The following PCDHA13 variants were observed in gnomAD, a reference collection of about 807,000 sequenced individuals.
PCDHA13 encodes the protein protocadherin alpha-13.
A neutral mutation model predicts 64.8 loss-of-function variants in PCDHA13; 54 were observed. The ratio of observed to expected loss-of-function variants is 0.83; its 90% CI spans 0.67 to 1.04. The LOEUF is 1.04. Among genes scored for constraint, PCDHA13 ranks in the 50% least tolerant of loss-of-function variants. The pLI, the probability that PCDHA13 is intolerant of heterozygous loss-of-function variation, is 0.00. For missense variants in PCDHA13, 1,248 were observed against 1,254.3 expected, an observed-to-expected ratio of 0.99 and a Z score of 0.08; for synonymous variants, 587 against 564.4, an observed-to-expected ratio of 1.04 and a Z score of -0.57.
intron 3 of PCDHA13, among the ~76,000 whole-genome samples, chr5:140,993,043 A>G (rs1402138607): frequency 1.3e-5 from 2 of 152,186 alleles, no homozygotes; most frequent in Non-Finnish European, 2.9e-5. Context: ...TGTGTCATCA[A>G]GATGTCAATC....
intron 3 of PCDHA13, among the ~76,000 whole-genome samples, chr5:140,997,754 G>A (rs1450156263): frequency 6.6e-6 from 1 of 151,922 alleles, no homozygotes; most frequent in Non-Finnish European, 1.5e-5. Context: ...ATCTTCTTGA[G>A]TAAGGATATA....
At chr5:141,000,857 A>G (rs1002294819) in intron 3 of PCDHA13, among the ~76,000 whole-genome samples, 7 of 152,132 alleles carry the variant, frequency 4.6e-5, no homozygotes, top group African/African-American at 1.7e-4. Context: ...GCAGTCAGCC[A>G]TGACCTCACC....
chr5:140,928,461 C>T, intron 1 of PCDHA13: 2 of 1,614,108 alleles, frequency 1.2e-6, no homozygotes, highest in Non-Finnish European at 1.7e-6. Context: ...GGTTTCATTT[C>T]CAAGTAGAAG....
At chr5:140,917,906 G>C (rs1334892378) in intron 1 of PCDHA13, among the ~76,000 whole-genome samples, 1 of 151,938 alleles carries the variant, frequency 6.6e-6, no homozygotes, top group East Asian at 1.9e-4. Flanking sequence ...TGTTAGGATA[G>C]TTTGTTTTTC....
intron 1 of PCDHA13, among the ~76,000 whole-genome samples, chr5:140,978,010 T>G (rs2096785841): frequency 6.6e-6 from 1 of 152,156 alleles, no homozygotes; most frequent in African/African-American, 2.4e-5. Flanking sequence ...TTTTTCACAG[T>G]GACATTTTTG....
chr5:140,929,722 T>G (rs558208996), intron 1 of PCDHA13: 1 of 221,696 alleles, frequency 4.5e-6, no homozygotes, highest in Non-Finnish European at 9.4e-6. Flanking sequence ...AGGTGAAACA[T>G]TTACTTAAAC....
chr5:140,933,734 T>C (rs1355766834), intron 1 of PCDHA13, among the ~76,000 whole-genome samples: 2 of 152,062 alleles, frequency 1.3e-5, no homozygotes, highest in Admixed American at 6.5e-5. Flanking sequence ...CTTTCTTAAA[T>C]ATTTGGTAGA....
rs543512832 is a variant in PCDHA13 at position 140,899,964 on chromosome 5, T to C, written c.2394+15302T>C. On this transcript the variant is annotated intron_variant, in intron 1 of 3. Coordinates refer to ENST00000289272, the MANE Select transcript of PCDHA13 (RefSeq NM_018904.3). Reference sequence around the variant, plus strand: ...CTGGGACCACAGGCATGTGCTGCCATGCCCAGCTACTTTTTTGATTTTTTT... The same window carrying C: ...CTGGGACCACAGGCATGTGCTGCCACGCCCAGCTACTTTTTTGATTTTTTT... 3.3e-5 allele frequency among the ~76,000 whole-genome samples: 5 copies of C among 151,940 alleles called. No individual in the cohort carries two copies. In the South Asian group the frequency reaches 6.2e-4, roughly 19 times the overall value.
chr5:140,997,132 C>A (rs1189394609), intron 3 of PCDHA13, among the ~76,000 whole-genome samples: 1 of 152,076 alleles, frequency 6.6e-6, no homozygotes, highest in Non-Finnish European at 1.5e-5. Flanking sequence ...CACAATGCCC[C>A]CACACCCCCG....
intron 1 of PCDHA13, among the ~76,000 whole-genome samples, chr5:140,905,634 C>T (rs1554192107): frequency 6.6e-6 from 1 of 152,168 alleles, no homozygotes; most frequent in African/African-American, 2.4e-5. Context: ...ACAGTATGGT[C>T]AGTTTCACAG....
chr5:140,910,546 A>G (rs2075078968), intron 1 of PCDHA13, among the ~76,000 whole-genome samples: 1 of 152,198 alleles, frequency 6.6e-6, no homozygotes, highest in Non-Finnish European at 1.5e-5. Context: ...CTATTTTGCA[A>G]AGTATTAGTC....
intron 1 of PCDHA13, among the ~76,000 whole-genome samples, chr5:140,926,161 A>C (rs1205520517): frequency 6.6e-6 from 1 of 151,712 alleles, no homozygotes. Flanking sequence ...GCTCTGCAGC[A>C]GGATCCAGCG....
intron 1 of PCDHA13, chr5:140,966,888 C>T: frequency 1.9e-6 from 3 of 1,593,128 alleles, no homozygotes; most frequent in Non-Finnish European, 2.6e-6. Flanking sequence ...GGCCCTGCGG[C>T]CTCCCAGCTG....
At chr5:140,987,944 T>C (rs910006070) in intron 3 of PCDHA13, among the ~76,000 whole-genome samples, 11 of 152,186 alleles carry the variant, frequency 7.2e-5, no homozygotes, top group African/African-American at 2.7e-4. Context: ...CTTACCTGTC[T>C]GACAAAACCA....
At chr5:140,919,593 T>C (rs541275874) in intron 1 of PCDHA13, among the ~76,000 whole-genome samples, 1 of 152,214 alleles carries the variant, frequency 6.6e-6, no homozygotes, top group Non-Finnish European at 1.5e-5. Context: ...TGGTAATTTT[T>C]AAAATAAATT....
chr5:140,892,477 A>G (rs2063535340), intron 1 of PCDHA13, among the ~76,000 whole-genome samples: 1 of 152,220 alleles, frequency 6.6e-6, no homozygotes, highest in South Asian at 2.1e-4. Context: ...TCAGTTTCCT[A>G]GCCAAACATG....
At chr5:141,002,923 C>A (rs1261794185) in intron 3 of PCDHA13, among the ~76,000 whole-genome samples, 2 of 152,220 alleles carry the variant, frequency 1.3e-5, no homozygotes, top group Non-Finnish European at 2.9e-5. Flanking sequence ...AAAGTGAACA[C>A]CCTCCAACAC....
chr5:140,974,330 A>G (rs542172748), intron 1 of PCDHA13, among the ~76,000 whole-genome samples: 1 of 152,346 alleles, frequency 6.6e-6, no homozygotes, highest in African/African-American at 2.4e-5. Flanking sequence ...CTGCTGTGCT[A>G]GCAGGCTATG....
intron 1 of PCDHA13, chr5:140,928,859 T>G (rs782758888): frequency 1.2e-6 from 2 of 1,614,176 alleles, no homozygotes; most frequent in Non-Finnish European, 1.7e-6. Flanking sequence ...GGTGTGCTGT[T>G]GAGCAACTCT....
Sources: allele counts gnomAD v4.1 joint callset (sites outside exome capture counted in the v4.1 genomes callset), GRCh38; gene constraint gnomAD v4.1.1; transcripts MANE v1.5; gene names NCBI Gene and HGNC (gene_info 2026-07-23, HGNC 2026-07-21).